IBTK: variants seen among roughly 807,000 people sequenced by gnomAD.
IBTK encodes inhibitor of Bruton tyrosine kinase.
IBTK carries 83 observed loss-of-function variants against 154.9 expected under a neutral mutation model. That is an observed-to-expected ratio of 0.54 (90% CI 0.45 to 0.64). IBTK has a LOEUF of 0.64. Among genes scored for constraint, IBTK ranks in the 30% least tolerant of loss-of-function variants. The pLI is 0.00. For synonymous variants in IBTK, 515 were observed against 536.1 expected (o/e 0.96, Z 0.54); for missense variants, 1,332 against 1,584.6 (o/e 0.84, Z 2.71).
At chr6:82,233,310 A>C (rs1770585396) in intron 3 of IBTK, among the ~76,000 whole-genome samples, 1 of 152,104 alleles carries the variant, frequency 6.6e-6, no homozygotes, top group African/African-American at 2.4e-5. Flanking sequence ...CTGACTGACA[A>C]AGCGAGACCC....
At chr6:82,171,659 G>A (rs1039835509) in intron 28 of IBTK, 103 bp from the exon 29 acceptor site, 7 of 932,254 alleles carry the variant, frequency 7.5e-6, no homozygotes, top group Non-Finnish European at 1.2e-5. Context: ...CACTTTCCAT[G>A]GATACAATAC....
intron 25 of IBTK, among the ~76,000 whole-genome samples, chr6:82,182,564 G>T (rs1231180163): frequency 1.3e-5 from 2 of 152,014 alleles, no homozygotes; most frequent in South Asian, 2.1e-4. Flanking sequence ...CAGAAATAAA[G>T]AAGAGAGATA....
chr6:82,200,386 GA>G, intron 20 of IBTK, 133 bp from the exon 21 acceptor site: 1 of 745,822 alleles, frequency 1.3e-6, no homozygotes, highest in East Asian at 2.6e-5. Context: ...TAGACCTACA[GA>G]TATTAATTAT....
chr6:82,224,048 T>C lies in IBTK; in HGVS notation c.943+20A>G. The C allele has an allele frequency of 8.0e-7, 1 of 1,250,448 alleles. No homozygotes were observed. Among genetic ancestry groups the C allele is most frequent in the South Asian group, 1.3e-5 (1 of 77,412 alleles). The allele number at this position is 1,250,448 out of a possible 1,614,324, so 77.5% of individuals were successfully genotyped here. A position where few individuals can be genotyped will look rare whatever the true frequency, so the allele number is the denominator to read the frequency against. On this transcript the variant is annotated intron_variant, in intron 7 of 28. Coordinates refer to ENST00000306270, the MANE Select transcript of IBTK (RefSeq NM_015525.4). The stretch of plus-strand genomic sequence containing the variant: ...AGAGTCCAATTTAATTTCCAGATAT[T>C]GTCATTAAGGATTTCTTACCCAGTT...
At chr6:82,222,657 G>A (rs1770140294) in intron 8 of IBTK, among the ~76,000 whole-genome samples, 1 of 152,096 alleles carries the variant, frequency 6.6e-6, no homozygotes, top group African/African-American at 2.4e-5. Context: ...CTTCACAATT[G>A]TTTTTAAGCA....
intron 27 of IBTK, 88 bp downstream of exon 27, chr6:82,173,279 G>A: frequency 2.2e-6 from 2 of 900,074 alleles, no homozygotes; most frequent in Non-Finnish European, 3.6e-6. Flanking sequence ...TGGGATTATA[G>A]GCATGAGCCA....
At chr6:82,172,104 T>C (rs1202559738) in intron 28 of IBTK, among the ~76,000 whole-genome samples, 1 of 152,156 alleles carries the variant, frequency 6.6e-6, no homozygotes, top group Non-Finnish European at 1.5e-5. Context: ...TGCCAAATTC[T>C]CTACTGGTCA....
At chr6:82,230,693 A>G (rs1770471950) in intron 4 of IBTK, among the ~76,000 whole-genome samples, 1 of 152,190 alleles carries the variant, frequency 6.6e-6, no homozygotes, top group Non-Finnish European at 1.5e-5. Context: ...CTAAATTTAA[A>G]TATCTTGAAA....
Position 82,170,863 on chromosome 6 carries a change from T to C in IBTK, c.*562A>G, listed in dbSNP as rs1767906456. On this transcript the variant is annotated 3_prime_UTR_variant, in exon 29 of 29. Transcript: ENST00000306270. The stretch of plus-strand genomic sequence containing the variant: ...AGAATATGTGGTCCAAATAGAAATA[T>C]GGCATTTGTGCAGGTCAAGCTTTGA... 1 of 152,684 alleles carries C rather than the reference T, an allele frequency of 6.5e-6. No homozygotes were observed. The highest frequency in any genetic ancestry group is 2.4e-5 in the African/African-American group (1 of 41,456). The allele number at this position is 152,684 out of a possible 1,614,324, so 9.5% of individuals were successfully genotyped here.
Position 82,225,578 on chromosome 6 carries a change from C to T in IBTK, c.724G>A (p.Val242Ile), listed in dbSNP as rs181848883. 195 of 1,613,138 alleles carry T rather than the reference C, an allele frequency of 1.2e-4. 1 individual carries two copies. The East Asian group carries it at 2.8e-3, about 23-fold the overall frequency. ...SQVAAAKDHT[V>I]VLTEDGCVYT... Reference sequence around the variant, plus strand: ...ACACATCCATCTTCAGTTAATACAACAGTATGATCCTTAGCAGCTGCCACT... The same window carrying T: ...ACACATCCATCTTCAGTTAATACAATAGTATGATCCTTAGCAGCTGCCACT... The change falls in exon 6 of 29, where the codon GTT becomes ATT. Residue 242 changes from valine to isoleucine, a missense_variant. By Grantham distance (29) the Val-to-Ile change is conservative. Around this residue, in one of 3 missense-constraint regions of IBTK, gnomAD observed 114 missense variants for 213.7 expected, o/e 0.53. Transcript: ENST00000306270.
At chr6:82,187,781 T>G (rs1241826794) in intron 25 of IBTK, among the ~76,000 whole-genome samples, 1 of 152,192 alleles carries the variant, frequency 6.6e-6, no homozygotes, top group Admixed American at 6.5e-5. Flanking sequence ...GTGCCAGATG[T>G]ACTCCCTATC....
At chr6:82,223,371 C>T in intron 8 of IBTK, 69 bp downstream of exon 8, 1 of 1,253,168 alleles carries the variant, frequency 8.0e-7, no homozygotes, top group Non-Finnish European at 1.1e-6. Flanking sequence ...ATAAAGCTAA[C>T]ACTCAGATAT....
At chr6:82,208,238 GCAT>G (rs1489378591) in intron 16 of IBTK, among the ~76,000 whole-genome samples, 1 of 151,304 alleles carries the variant, frequency 6.6e-6, no homozygotes, top group African/African-American at 2.4e-5. Flanking sequence ...ATATCTCAAA[GCAT>G]CATGTTATAC....
chr6:82,171,408 C>G lies in IBTK; in HGVS notation c.*17G>C. The stretch of plus-strand genomic sequence containing the variant: ...AAACTCATAATTATGTAAAATGCAT[C>G]TCAACTCCACAGTGAACTAGCATCC... On this transcript the variant is annotated 3_prime_UTR_variant, in exon 29 of 29. Coordinates refer to ENST00000306270, the MANE Select transcript of IBTK (RefSeq NM_015525.4). 6.2e-7 allele frequency: 1 copy of G among 1,600,148 alleles called. No individual in the cohort carries two copies. Among genetic ancestry groups the G allele is most frequent in the Non-Finnish European group, 8.5e-7 (1 of 1,174,810 alleles).
At position 82,191,165 on chromosome 6, in the gene IBTK, A is replaced by C. The variant is rs1329813430; in HGVS notation, c.3483T>G (p.Ile1161Met). Residue 1161 changes from isoleucine (I) to methionine (M), a missense_variant, in exon 25 of 29, where the codon ATT becomes ATG. Ile to Met is a conservative substitution (Grantham distance 10). Transcript: ENST00000306270. ...AATTGTTTTCCTTGGTAGTCAATGC[A>C]ATCATTTTTCGTTGCTTCTGAGAAA... ...VKLSQKQRKM[I>M]ALTTKENNSG... is the part of the protein sequence containing the mutation. 1 of 1,609,918 alleles carries C rather than the reference A, an allele frequency of 6.2e-7. No homozygotes were observed. The highest frequency in any genetic ancestry group is 1.7e-5 in the Admixed American group (1 of 59,124).
At chr6:82,217,863 G>A in intron 10 of IBTK, 97 bp downstream of exon 10, 1 of 792,384 alleles carries the variant, frequency 1.3e-6, no homozygotes. Flanking sequence ...ATACATAAAA[G>A]TAAAACCTAA....
chr6:82,239,450 C>T (rs1000037774), intron 2 of IBTK, among the ~76,000 whole-genome samples: 2 of 151,848 alleles, frequency 1.3e-5, no homozygotes, highest in African/African-American at 4.8e-5. Context: ...ATCTCAAAAA[C>T]ATAAATAAAT....
chr6:82,200,443 CTA>C lies in IBTK; in HGVS notation c.2912+142_2912+143del, dbSNP rs1430939151. The C allele has an allele frequency of 7.3e-6, 6 of 821,594 alleles. No homozygotes were observed. In the East Asian group the frequency reaches 1.6e-4, roughly 22 times the overall value. 50.9% of individuals were successfully genotyped at this position (821,594 alleles called of 1,614,324 possible). Reference sequence around the variant, plus strand: ...CAAGGTTAAGAATGAGCGTAACTACCTATTTCTTATGTCAGAATTTCTCAATT... The same window carrying C: ...CAAGGTTAAGAATGAGCGTAACTACCTTTCTTATGTCAGAATTTCTCAATT... On this transcript the variant is annotated intron_variant, in intron 20 of 28. Transcript: ENST00000306270.
At chr6:82,204,773 T>G in intron 17 of IBTK, 84 bp downstream of exon 17, 5 of 758,338 alleles carry the variant, frequency 6.6e-6, no homozygotes, top group Admixed American at 7.0e-5. Context: ...TATTTTACCA[T>G]AAGTGGAATC....
Sources: gnomAD v4.1 joint callset for allele counts (sites outside exome capture counted in the v4.1 genomes callset) on GRCh38, gnomAD v4.1.1 for gene constraint, gnomAD v4.1.1 regional missense constraint, MANE v1.5 for transcripts, NCBI Gene and HGNC (gene_info 2026-07-23, HGNC 2026-07-21) for gene names.